The following PTPRM variants were observed in gnomAD, a reference collection of about 807,000 sequenced individuals.
PTPRM encodes receptor-type tyrosine-protein phosphatase mu.
Under a neutral mutation model 186.7 loss-of-function variants are expected in PTPRM, and 47 were observed. The observed-to-expected ratio is 0.25, with a 90% CI of 0.20 to 0.32. PTPRM has a LOEUF of 0.32. Among genes scored for constraint, PTPRM ranks in the 10% least tolerant of loss-of-function variants. PTPRM has a pLI of 1.00. For missense variants in PTPRM, 1,494 were observed against 1,865.0 expected, an observed-to-expected ratio of 0.80 and a Z score of 3.66; for synonymous variants, 668 against 674.9, an observed-to-expected ratio of 0.99 and a Z score of 0.16.
At chr18:8,160,373 C>T (rs2093206371) in intron 14 of PTPRM, among the ~76,000 whole-genome samples, 1 of 152,154 alleles carries the variant, frequency 6.6e-6, no homozygotes, top group Non-Finnish European at 1.5e-5. Flanking sequence ...GCCTCAAACT[C>T]CTGGGCTCAA....
chr18:7,781,275 A>T (rs931435687), intron 2 of PTPRM, among the ~76,000 whole-genome samples: 2 of 152,194 alleles, frequency 1.3e-5, no homozygotes, highest in African/African-American at 4.8e-5. Context: ...AAGTCTATTA[A>T]AATACAATAA....
intron 1 of PTPRM, among the ~76,000 whole-genome samples, chr18:7,572,503 A>T (rs1302710581): frequency 6.6e-6 from 1 of 152,202 alleles, no homozygotes; most frequent in Admixed American, 6.5e-5. Flanking sequence ...TATACAGTAG[A>T]GGAACTATGT....
In PTPRM at chr18:8,071,921, T is replaced by G. The variant is rs375007810; in HGVS notation, c.1441+1927T>G. On this transcript the variant is annotated intron_variant, in intron 8 of 32. Transcript: ENST00000580170. ...TGAGAAGTGAGAATAATAACAATTCTTAGATACATTAGGGATAGAAGAAAT... is the reference window on the plus strand; with the variant it reads ...TGAGAAGTGAGAATAATAACAATTCGTAGATACATTAGGGATAGAAGAAAT... Among the ~76,000 whole-genome samples the G allele has an allele frequency of 4.4e-3, 666 of 152,326 alleles. 2 individuals are homozygous for G. The highest frequency in any genetic ancestry group is 0.015 in the African/African-American group (644 of 41,566).
chr18:7,937,395 A>G (rs541460088), intron 5 of PTPRM, among the ~76,000 whole-genome samples: 11 of 152,234 alleles, frequency 7.2e-5, no homozygotes, highest in Admixed American at 3.9e-4. Context: ...GCTGGTGCCC[A>G]TGCCGGCACC....
intron 32 of PTPRM, among the ~76,000 whole-genome samples, chr18:8,400,499 G>A (rs4798637): frequency 0.2 from 30,518 of 152,164 alleles, 3,448 homozygotes; most frequent in Admixed American, 0.29. Context: ...TGGAGCCCCC[G>A]CCAGGTAGGA....
rs537547913 is a variant in PTPRM at position 8,280,820 on chromosome 18, T to C, written c.2755-15548T>C. On this transcript the variant is annotated intron_variant, in intron 19 of 32. Transcript: ENST00000580170. ...TAAAAGAATCCCGCAACCAGCACCC[T>C]GCACCTGCCTGCTTTGTGCCCAGCT... is the stretch of plus-strand genomic sequence containing the variant. 7.9e-5 allele frequency among the ~76,000 whole-genome samples: 12 copies of C among 152,272 alleles called. No individual in the cohort carries two copies. The East Asian group carries it at 2.3e-3, about 29-fold the overall frequency.
chr18:8,093,134 T>TC (rs1280702429), intron 11 of PTPRM, among the ~76,000 whole-genome samples: 1 of 152,106 alleles, frequency 6.6e-6, no homozygotes, highest in Non-Finnish European at 1.5e-5. Context: ...TTTTTTTTTT[T>TC]CTCAAGCAGC....
intron 1 of PTPRM, among the ~76,000 whole-genome samples, chr18:7,772,347 T>C (rs553077754): frequency 4.4e-4 from 51 of 115,758 alleles, no homozygotes; most frequent in African/African-American, 1.5e-3. Flanking sequence ...CTTTCTTTCT[T>C]TCTCTTTCTT....
chr18:8,231,858 C>A (rs1324236805), intron 14 of PTPRM, among the ~76,000 whole-genome samples: 3 of 152,128 alleles, frequency 2.0e-5, no homozygotes, highest in Non-Finnish European at 2.9e-5. Context: ...TCTAACACCC[C>A]CCTGCCAACA....
At chr18:8,403,649 C>T (rs1406632200) in intron 32 of PTPRM, 2 of 152,188 alleles carry the variant, frequency 1.3e-5, no homozygotes, top group Non-Finnish European at 2.9e-5. Context: ...CAACCATCAC[C>T]ACAAACCAAA....
intron 2 of PTPRM, among the ~76,000 whole-genome samples, chr18:7,845,358 C>CTT: frequency 6.6e-6 from 1 of 152,124 alleles, no homozygotes; most frequent in South Asian, 2.1e-4. Context: ...TTCATGAAAA[C>CTT]CTGACAAATG....
intron 7 of PTPRM, among the ~76,000 whole-genome samples, chr18:7,992,767 C>A (rs1258879798): frequency 6.6e-6 from 1 of 151,918 alleles, no homozygotes; most frequent in Non-Finnish European, 1.5e-5. Context: ...TATTTCTGGT[C>A]AAGAAAACAT....
At chr18:8,222,761 T>G (rs368442161) in intron 14 of PTPRM, among the ~76,000 whole-genome samples, 3 of 152,364 alleles carry the variant, frequency 2.0e-5, no homozygotes, top group Admixed American at 6.5e-5. Flanking sequence ...CACCAGGGTT[T>G]CACTATAGGC....
In PTPRM at chr18:8,314,869, A is replaced by G. The variant is rs763007576; in HGVS notation, c.2919+12A>G. 6 of 1,499,720 alleles carry G rather than the reference A, an allele frequency of 4.0e-6. No individual in the cohort carries two copies. The highest frequency in any genetic ancestry group is 5.5e-6 in the Non-Finnish European group (6 of 1,086,856). The allele number at this position is 1,499,720 out of a possible 1,614,324, so 92.9% of individuals were successfully genotyped here. A position where few individuals can be genotyped will look rare whatever the true frequency, so the allele number is the denominator to read the frequency against. Reference sequence around the variant, plus strand: ...GCAATTATATCGATGTATGTATTTTATTATTTTTAATTGATATATAATTGT... The same window carrying G: ...GCAATTATATCGATGTATGTATTTTGTTATTTTTAATTGATATATAATTGT... On this transcript the variant is annotated intron_variant, in intron 21 of 32. Transcript: ENST00000580170.
intron 2 of PTPRM, among the ~76,000 whole-genome samples, chr18:7,802,235 G>A (rs2044009400): frequency 6.6e-6 from 1 of 152,164 alleles, no homozygotes; most frequent in Admixed American, 6.5e-5. Context: ...TGTTTGCTCA[G>A]GGTCCCGCTG....
intron 7 of PTPRM, among the ~76,000 whole-genome samples, chr18:8,015,702 C>G (rs1043761155): frequency 1.3e-5 from 2 of 152,076 alleles, no homozygotes; most frequent in Non-Finnish European, 2.9e-5. Flanking sequence ...ATAATTTATC[C>G]TGAACTTTGA....
Position 7,857,299 on chromosome 18 carries a change from A to G in PTPRM, c.197-30807A>G, listed in dbSNP as rs139063192. The stretch of plus-strand genomic sequence containing the variant: ...TAAGCAACTTGGAAACTAGATTGTT[A>G]AACCTTGAAATAGAGTAACAGATTA... On this transcript the variant is annotated intron_variant, in intron 2 of 32. Transcript: ENST00000580170. Among the ~76,000 whole-genome samples the G allele has an allele frequency of 3.9e-5, 6 of 152,266 alleles. No individual in the cohort carries two copies. In the East Asian group the frequency reaches 1.2e-3, roughly 29 times the overall value.
intron 22 of PTPRM, among the ~76,000 whole-genome samples, chr18:8,321,679 T>G (rs1307037536): frequency 2.0e-5 from 3 of 152,208 alleles, no homozygotes; most frequent in African/African-American, 7.2e-5. Flanking sequence ...CTTTCCCTGG[T>G]ACAAGGTGGG....
intron 5 of PTPRM, among the ~76,000 whole-genome samples, chr18:7,927,933 G>A (rs116703030): frequency 0.011 from 1,724 of 152,150 alleles, 9 homozygotes; most frequent in South Asian, 0.033. Context: ...TATAGGGATG[G>A]ATTCTCCCTT....
Sources: allele counts gnomAD v4.1 joint callset (sites outside exome capture counted in the v4.1 genomes callset), GRCh38; gene constraint gnomAD v4.1.1; transcripts MANE v1.5; gene names NCBI Gene and HGNC (gene_info 2026-07-23, HGNC 2026-07-21).